Variants in AFF3 observed in about 807,000 individuals in gnomAD.
AFF3 encodes ALF transcription elongation factor 3, also known as AF4/FMR2 family member 3.
AFF3 carries 32 observed loss-of-function variants against 129.7 expected under a neutral mutation model. That is an observed-to-expected ratio of 0.25 (90% CI 0.19 to 0.33). The LOEUF (loss-of-function observed/expected upper bound fraction) is 0.33. Ranked by LOEUF, AFF3 falls within the 10% of genes least tolerant of loss-of-function variation. AFF3 has a pLI of 1.00. For missense variants in AFF3, 1,373 were observed against 1,592.0 expected (o/e 0.86, Z 2.34); for synonymous variants, 644 against 635.4 (o/e 1.01, Z -0.20).
At chr2:99,753,975 C>T (rs1357443851) in intron 8 of AFF3, among the ~76,000 whole-genome samples, 1 of 152,140 alleles carries the variant, frequency 6.6e-6, no homozygotes, top group Non-Finnish European at 1.5e-5. Flanking sequence ...GCATCTTTGT[C>T]CATGGAGTCA....
intron 10 of AFF3, among the ~76,000 whole-genome samples, chr2:99,736,031 C>G (rs1680224643): frequency 6.6e-6 from 1 of 152,078 alleles, no homozygotes; most frequent in Admixed American, 6.6e-5. Context: ...CTTTTAAAAT[C>G]TGTTGAAACT....
intron 7 of AFF3, among the ~76,000 whole-genome samples, chr2:99,943,874 G>A (rs1367023662): frequency 6.6e-6 from 1 of 151,930 alleles, no homozygotes; most frequent in East Asian, 1.9e-4. Context: ...AGTTAAAACT[G>A]AGACTAGTTG....
chr2:100,044,154 C>T (rs1685652187), intron 4 of AFF3, among the ~76,000 whole-genome samples: 2 of 152,214 alleles, frequency 1.3e-5, no homozygotes, highest in African/African-American at 2.4e-5. Flanking sequence ...CTCTTCTGCA[C>T]CTTACCCTAC....
chr2:99,622,156 C>T (rs1222820166), intron 13 of AFF3, among the ~76,000 whole-genome samples: 1 of 152,186 alleles, frequency 6.6e-6, no homozygotes, highest in Non-Finnish European at 1.5e-5. Flanking sequence ...CACTTTGGTA[C>T]AGTCACTGCT....
intron 7 of AFF3, among the ~76,000 whole-genome samples, chr2:99,863,311 G>T (rs1691138179): frequency 6.6e-6 from 1 of 152,164 alleles, no homozygotes; most frequent in Non-Finnish European, 1.5e-5. Flanking sequence ...GGGCAATAAA[G>T]ATAACTATTT....
chr2:99,961,894 G>A (rs1371734160), intron 7 of AFF3, among the ~76,000 whole-genome samples: 1 of 152,156 alleles, frequency 6.6e-6, no homozygotes, highest in Admixed American at 6.6e-5. Context: ...AAGGCGGATA[G>A]ATCAATCACC....
intron 12 of AFF3, among the ~76,000 whole-genome samples, chr2:99,653,034 C>A (rs1558702431): frequency 1.3e-5 from 2 of 152,152 alleles, no homozygotes; most frequent in Admixed American, 6.5e-5. Flanking sequence ...ATGGAGCCAG[C>A]GCAGAGCATG....
intron 8 of AFF3, among the ~76,000 whole-genome samples, chr2:99,821,467 G>A (rs975144692): frequency 4.1e-5 from 5 of 120,504 alleles, no homozygotes; most frequent in Non-Finnish European, 9.4e-5. Context: ...TAGCTGATGA[G>A]CTAAAAAAAA....
At chr2:99,802,580 T>C (rs937467996) in intron 8 of AFF3, among the ~76,000 whole-genome samples, 1 of 152,170 alleles carries the variant, frequency 6.6e-6, no homozygotes, top group Non-Finnish European at 1.5e-5. Flanking sequence ...AGAGGGTCAC[T>C]TGAGCCCAGT....
At chr2:99,881,884 A>G (rs1692745303) in intron 7 of AFF3, among the ~76,000 whole-genome samples, 1 of 152,232 alleles carries the variant, frequency 6.6e-6, no homozygotes, top group South Asian at 2.1e-4. Context: ...ACCCGTTCCT[A>G]TGATGAATAG....
intron 7 of AFF3, among the ~76,000 whole-genome samples, chr2:99,878,204 G>A (rs1267553729): frequency 3.3e-5 from 5 of 152,190 alleles, no homozygotes; most frequent in East Asian, 1.9e-4. Flanking sequence ...TAGGTCATCC[G>A]TGAGCTTTGA....
At chr2:99,809,907 T>C (rs1686657733) in intron 8 of AFF3, among the ~76,000 whole-genome samples, 1 of 152,196 alleles carries the variant, frequency 6.6e-6, no homozygotes, top group Non-Finnish European at 1.5e-5. Flanking sequence ...GAATAGAGCA[T>C]TTTATTCAGG....
At chr2:100,024,725 G>A (rs1683899467) in intron 4 of AFF3, among the ~76,000 whole-genome samples, 1 of 152,078 alleles carries the variant, frequency 6.6e-6, no homozygotes, top group Admixed American at 6.6e-5. Context: ...ATAGAAGACT[G>A]TAGACATTGC....
intron 8 of AFF3, among the ~76,000 whole-genome samples, chr2:99,788,091 C>T (rs752257878): frequency 9.9e-5 from 15 of 152,060 alleles, no homozygotes; most frequent in East Asian, 3.9e-4. Context: ...AAACCTAATG[C>T]GATGCCAGTC....
chr2:99,892,179 T>C (rs937424888), intron 7 of AFF3, among the ~76,000 whole-genome samples: 8 of 152,160 alleles, frequency 5.3e-5, no homozygotes, highest in Admixed American at 4.6e-4. Flanking sequence ...AGAAGGAAAA[T>C]ATATGGGCTC....
intron 8 of AFF3, among the ~76,000 whole-genome samples, chr2:99,775,937 T>C (rs1354914451): frequency 6.6e-6 from 1 of 152,214 alleles, no homozygotes; most frequent in African/African-American, 2.4e-5. Flanking sequence ...CAATACCCAC[T>C]GACCTAGTTG....
rs1479882704 is a variant in AFF3 at position 100,129,212 on chromosome 2, TTGAA to T, written c.-145+8_-145+11del. On this transcript the variant is annotated splice_region_variant and intron_variant, in intron 2 of 24. Transcript: ENST00000672756. ...TGCAGCAGAGATATCACTGTATCAC[TTGAA>T]TGTGTACCTGCTTGCCAGTTACTCC... The T allele has an allele frequency of 2.0e-5, 3 of 152,244 alleles. No individual in the cohort carries two copies. Among genetic ancestry groups the T allele is most frequent in the Admixed American group, 2.0e-4 (3 of 15,286 alleles). 9.4% of individuals were successfully genotyped at this position (152,244 alleles called of 1,614,324 possible). A position where few individuals can be genotyped will look rare whatever the true frequency, so the allele number is the denominator to read the frequency against.
At chr2:99,943,416 G>C (rs556430715) in intron 7 of AFF3, among the ~76,000 whole-genome samples, 13 of 152,296 alleles carry the variant, frequency 8.5e-5, no homozygotes, top group African/African-American at 2.2e-4. Context: ...ATCAGGAAAT[G>C]CACTAGGAAT....
At chr2:100,023,684 C>A (rs1683785695) in intron 4 of AFF3, among the ~76,000 whole-genome samples, 1 of 152,118 alleles carries the variant, frequency 6.6e-6, no homozygotes, top group South Asian at 2.1e-4. Flanking sequence ...CAAGTCAGGA[C>A]TCTGTGCCTT....
Sources: allele counts gnomAD v4.1 joint callset (sites outside exome capture counted in the v4.1 genomes callset), GRCh38; gene constraint gnomAD v4.1.1; transcripts MANE v1.5; gene names NCBI Gene and HGNC (gene_info 2026-07-23, HGNC 2026-07-21).